ATG101: variants seen among roughly 807,000 people sequenced by gnomAD.
ATG101 encodes autophagy-related protein 101.
ATG101 carries 6 observed loss-of-function variants against 16.7 expected under a neutral mutation model. The ratio of observed to expected loss-of-function variants is 0.36; its 90% CI spans 0.20 to 0.71. The LOEUF (loss-of-function observed/expected upper bound fraction) is 0.71, where lower values mean the gene tolerates loss of function less well. Among genes scored for constraint, ATG101 ranks in the 30% least tolerant of loss-of-function variants. The pLI is 0.57. For missense variants in ATG101, 200 were observed against 292.5 expected (o/e 0.68, Z 2.31); for synonymous variants, 108 against 118.1 (o/e 0.91, Z 0.56).
chr12:52,073,216 C>T (rs1283165), intron 2 of ATG101, among the ~76,000 whole-genome samples: 4,308 of 152,362 alleles, frequency 0.028, 85 homozygotes, highest in Middle Eastern at 0.054. Flanking sequence ...CTTACTCCCA[C>T]CCTGTACTCT....
At chr12:52,069,185 A>AT (rs1491304937), upstream of ATG101, 1 of 152,172 alleles carries the variant, frequency 6.6e-6, no homozygotes, top group Non-Finnish European at 1.5e-5. Context: ...GAAATCTTTC[A>AT]TATGAGTTAT....
chr12:52,068,236 T>C (rs974135236), upstream of ATG101, among the ~76,000 whole-genome samples: 43 of 148,190 alleles, frequency 2.9e-4, no homozygotes, highest in Non-Finnish European at 7.5e-5. Flanking sequence ...GTATTTTTGG[T>C]AGAGATGAGG....
In ATG101 at chr12:52,073,736, T is replaced by G; in HGVS notation, c.86T>G (p.Leu29Arg). 6.2e-7 allele frequency: 1 copy of G among 1,614,174 alleles called. No individual in the cohort carries two copies. The highest frequency in any genetic ancestry group is 8.5e-7 in the Non-Finnish European group (1 of 1,180,024). Reference protein sequence around the residue: ...EAMLAVLHTVLLHRSTGKFHY... With the variant: ...EAMLAVLHTVRLHRSTGKFHY... ...ATGCTGGCTGTGCTGCACACGGTGC[T>G]TCTGCACCGCAGCACAGGCAAGTTC... is the stretch of plus-strand genomic sequence containing the variant. The change falls in exon 3 of 4, where the codon CTT (leucine) becomes CGT (arginine). Residue 29 changes from leucine to arginine, a missense_variant. By Grantham distance (102) the Leu-to-Arg change is moderately radical (BLOSUM62 -2). Transcript: ENST00000336854.
intron 2 of ATG101, among the ~76,000 whole-genome samples, chr12:52,071,943 C>T (rs7963515): frequency 0.21 from 32,172 of 152,122 alleles, 4,201 homozygotes; most frequent in East Asian, 0.45. Flanking sequence ...GAACTTGAAG[C>T]TCCCTCTCCC....
At chr12:52,065,537 A>G (rs1389433970), upstream of ATG101, among the ~76,000 whole-genome samples, 1 of 150,704 alleles carries the variant, frequency 6.6e-6, no homozygotes, top group East Asian at 1.9e-4. Flanking sequence ...TGGGACTACC[A>G]GAGGGGCTGA....
At chr12:52,065,963 C>T (rs1411086743), upstream of ATG101, among the ~76,000 whole-genome samples, 2 of 152,164 alleles carry the variant, frequency 1.3e-5, no homozygotes, top group Non-Finnish European at 2.9e-5. Flanking sequence ...CCACAATCGC[C>T]GCCTCCCGGG....
Position 52,074,733 on chromosome 12 carries a change from C to T in ATG101, c.252+831C>T, listed in dbSNP as rs376685847. Among the ~76,000 whole-genome samples, 173 of 151,888 alleles carry T rather than the reference C, an allele frequency of 1.1e-3. No homozygotes were observed. In the Middle Eastern group the frequency reaches 0.017, roughly 15 times the overall value. On this transcript the variant is annotated intron_variant, in intron 3 of 3. Coordinates refer to ENST00000336854, the MANE Select transcript of ATG101 (RefSeq NM_021934.5). ...CAGCACTTTGGGAGGCTGAGATGGC[C>T]GGATTGCTTGAGCCCAGGAGTTCAA...
At position 52,077,364 on chromosome 12, in the gene ATG101, A is replaced by G. The variant is rs1219972342; in HGVS notation, c.*174A>G. 1 of 724,946 alleles carries G rather than the reference A, an allele frequency of 1.4e-6. No homozygotes were observed. Among genetic ancestry groups the G allele is most frequent in the African/African-American group, 1.8e-5 (1 of 56,120 alleles). 44.9% of individuals were successfully genotyped at this position (724,946 alleles called of 1,614,324 possible). ...TTGCCAGCCTCAGGTCATCCTTTTA[A>G]TCTTTGCTGACGGTTCAGTCCTGCC... is the stretch of plus-strand genomic sequence containing the variant. On this transcript the variant is annotated 3_prime_UTR_variant, in exon 4 of 4. Coordinates refer to ENST00000336854, the MANE Select transcript of ATG101 (RefSeq NM_021934.5).
Position 52,074,431 on chromosome 12 carries a change from TCTC to T in ATG101, c.252+533_252+535del, listed in dbSNP as rs1023010037. Among the ~76,000 whole-genome samples the T allele has an allele frequency of 1.9e-4, 29 of 152,324 alleles. No homozygotes were observed. The South Asian group carries it at 3.9e-3, about 21-fold the overall frequency. On this transcript the variant is annotated intron_variant, in intron 3 of 3. Coordinates refer to ENST00000336854, the MANE Select transcript of ATG101 (RefSeq NM_021934.5). Reference sequence around the variant, plus strand: ...AGGAGGTGGGAGTGGTAGTGTGCCTTCTCCTCTGGTCTTTGTTCAGAGTCACAG... The same window carrying T: ...AGGAGGTGGGAGTGGTAGTGTGCCTTCTCTGGTCTTTGTTCAGAGTCACAG...
chr12:52,073,536 C>G, intron 2 of ATG101, 39 bp from the exon 3 acceptor site: 1 of 1,322,870 alleles, frequency 7.6e-7, no homozygotes, highest in Non-Finnish European at 1.0e-6. Context: ...AACACGTGGA[C>G]TATTCTTGTC....
At chr12:52,074,636 A>C (rs528246241) in intron 3 of ATG101, among the ~76,000 whole-genome samples, 1 of 151,222 alleles carries the variant, frequency 6.6e-6, no homozygotes, top group South Asian at 2.1e-4. Flanking sequence ...ACAGGTGTAC[A>C]CCACCACCAC....
upstream of ATG101, among the ~76,000 whole-genome samples, chr12:52,065,503 T>C (rs1210205055): frequency 6.7e-6 from 1 of 148,520 alleles, no homozygotes; most frequent in Non-Finnish European, 1.5e-5. Flanking sequence ...TCCCAGTTTT[T>C]TAACCACTCC....
chr12:52,069,349 C>T (rs1482388259), upstream of ATG101: 1 of 152,276 alleles, frequency 6.6e-6, no homozygotes, highest in Non-Finnish European at 1.5e-5. Flanking sequence ...AGTGCTGCTG[C>T]ATAAAGGCAA....
In ATG101 at chr12:52,077,104, A is replaced by G; in HGVS notation, c.571A>G (p.Lys191Glu). The change falls in exon 4 of 4, where the codon AAG becomes GAG. Residue 191 changes from lysine to glutamate, a missense_variant. Physicochemically the swap from Lys to Glu is moderately conservative, Grantham distance 56. Transcript: ENST00000336854. ...GLRDVQPYLY[K>E]ISFQITDALG... is the part of the protein sequence containing the mutation. ...GCGGGACGTGCAGCCCTACCTGTACAAGATCTCCTTCCAGATCACTGATGC... is the reference window on the plus strand; with the variant it reads ...GCGGGACGTGCAGCCCTACCTGTACGAGATCTCCTTCCAGATCACTGATGC... 1 of 1,614,212 alleles carries G rather than the reference A, an allele frequency of 6.2e-7. No homozygotes were observed. Among genetic ancestry groups the G allele is most frequent in the Non-Finnish European group, 8.5e-7 (1 of 1,180,034 alleles).
chr12:52,076,896 G>A lies in ATG101; in HGVS notation c.363G>A (p.Val121=). The A allele has an allele frequency of 1.2e-6, 2 of 1,614,232 alleles. No homozygotes were observed. Among genetic ancestry groups the A allele is most frequent in the South Asian group, 1.1e-5 (1 of 91,088 alleles). Residue 121 remains valine (V), a synonymous_variant, in exon 4 of 4, where the codon GTG becomes GTA. Transcript: ENST00000336854. Reference sequence around the variant, plus strand: ...CAGACGAGTGCATCCCATGGGAAGTGTGGACGGTCAAGGTGCATGTGGTAG... The same window carrying A: ...CAGACGAGTGCATCCCATGGGAAGTATGGACGGTCAAGGTGCATGTGGTAG... The part of the protein sequence containing the change: ...PFSDECIPWE[V]WTVKVHVVAL...
At position 52,072,760 on chromosome 12, in the gene ATG101, T is replaced by C. The variant is rs118152343; in HGVS notation, c.-76-815T>C. On this transcript the variant is annotated intron_variant, in intron 2 of 3. Transcript: ENST00000336854. ...GTACTTGTCTTTTTTTTTTTAAATT[T>C]ATTTTATTACTTTGTATTTTTGTTT... Among the ~76,000 whole-genome samples the C allele has an allele frequency of 3.9e-3, 597 of 152,188 alleles. 27 individuals carry two copies. In the East Asian group the frequency reaches 0.095, roughly 24 times the overall value.
rs2120620419 is a variant in ATG101 at position 52,073,799 on chromosome 12, TG to T, written c.152del (p.Gly51AlafsTer79). ...GAGGGCACCTACTCCATTGGCACCG[TG>T]GGCACCCAGGATGTTGACTGTGACT... ...KKEGTYSIGTVGTQDVDCDFI... is the reference protein window; with the variant it reads ...KKEGTYSIGTXGTQDVDCDFI... On this transcript the variant is annotated frameshift_variant, in exon 3 of 4. Coordinates refer to ENST00000336854, the MANE Select transcript of ATG101 (RefSeq NM_021934.5). LOFTEE classifies it high-confidence loss of function. 6.2e-7 allele frequency: 1 copy of T among 1,614,258 alleles called. No individual in the cohort carries two copies. The highest frequency in any genetic ancestry group is 1.1e-5 in the South Asian group (1 of 91,088).
chr12:52,065,449 C>A (rs2701120), upstream of ATG101, among the ~76,000 whole-genome samples: 3 of 152,164 alleles, frequency 2.0e-5, no homozygotes, highest in Admixed American at 2.0e-4. Flanking sequence ...ACGTCTTGAT[C>A]ATCAGAGGTA....
chr12:52,072,037 T>C (rs1007072016), intron 2 of ATG101, among the ~76,000 whole-genome samples: 1 of 152,252 alleles, frequency 6.6e-6, no homozygotes, highest in African/African-American at 2.4e-5. Context: ...TGCTGTGTTA[T>C]AGCCTTGCAT....
Sources: allele counts gnomAD v4.1 joint callset (sites outside exome capture counted in the v4.1 genomes callset), GRCh38; gene constraint gnomAD v4.1.1; transcripts MANE v1.5; gene names NCBI Gene and HGNC (gene_info 2026-07-23, HGNC 2026-07-21).